SSUH2: variants seen among roughly 807,000 people sequenced by gnomAD.
The protein encoded by SSUH2 is ssu-2 homolog.
Under a neutral mutation model 55.3 loss-of-function variants are expected in SSUH2, and 47 were observed. The ratio of observed to expected loss-of-function variants is 0.85; its 90% confidence interval spans 0.67 to 1.08. The LOEUF is 1.08. SSUH2 is among the 50% of genes least tolerant of loss of function. The probability of loss-of-function intolerance (pLI) is 0.00; values close to 1 mark genes in which losing one functional copy is unlikely to be tolerated. For missense variants in SSUH2, 535 were observed against 490.7 expected (o/e 1.09, Z -0.85); for synonymous variants, 212 against 191.5 (o/e 1.11, Z -0.89).
At chr3:8,680,590 A>G (rs922904317) in intron 1 of SSUH2, among the ~76,000 whole-genome samples, 11 of 152,052 alleles carry the variant, frequency 7.2e-5, no homozygotes, top group Admixed American at 2.6e-4. Flanking sequence ...AATATCAGTG[A>G]GGGCGTGTCC....
Position 8,619,700 on chromosome 3 carries a change from C to A in SSUH2, c.*168G>T, listed in dbSNP as rs998047184. 3.2e-6 allele frequency: 2 copies of A among 623,954 alleles called. No individual in the cohort carries two copies. The highest frequency in any genetic ancestry group is 2.3e-5 in the South Asian group (1 of 43,118). The allele number at this position is 623,954 out of a possible 1,614,324, so 38.7% of individuals were successfully genotyped here. On this transcript the variant is annotated 3_prime_UTR_variant, in exon 12 of 12. Coordinates refer to ENST00000544814, the MANE Select transcript of SSUH2 (RefSeq NM_001256748.3). ...TGAGTCATGGATTCCACCAGAGGAG[C>A]TGTATAAGGGGTTGGAGCTTGATAG...
At chr3:8,629,633 C>CTGGCTCACCAGTGGTTCACAGA in intron 7 of SSUH2, 31 bp downstream of exon 7, 1 of 1,587,726 alleles carries the variant, frequency 6.3e-7, no homozygotes, top group Non-Finnish European at 8.6e-7. Context: ...CACACCCTCA[C>CTGGCTCACCAGTGGTTCACAGA]TGACTCACCA....
chr3:8,633,045 C>T lies in SSUH2; in HGVS notation c.339+621G>A, dbSNP rs543211738. ...TGTAAACCAGTGACAGTGATGCTAC[C>T]GTATAGGGCAGCCATGAGGATTTGA... On this transcript the variant is annotated intron_variant, in intron 4 of 11. Transcript: ENST00000544814. 3.9e-5 allele frequency among the ~76,000 whole-genome samples: 6 copies of T among 152,078 alleles called. No homozygotes were observed. In the South Asian group the frequency reaches 8.3e-4, roughly 21 times the overall value.
At chr3:8,633,301 G>A (rs546959294) in intron 4 of SSUH2, among the ~76,000 whole-genome samples, 20 of 151,990 alleles carry the variant, frequency 1.3e-4, no homozygotes, top group South Asian at 1.0e-3. Flanking sequence ...CCACCACCAC[G>A]CCCGGCTAAT....
chr3:8,662,809 G>A (rs1464271891), intron 6 of SSUH2, among the ~76,000 whole-genome samples: 36 of 152,214 alleles, frequency 2.4e-4, no homozygotes, highest in East Asian at 1.9e-4. Context: ...ATCTGCACTC[G>A]CAGACAGGGA....
At chr3:8,672,856 C>A (rs149049464) in intron 3 of SSUH2, among the ~76,000 whole-genome samples, 1 of 152,092 alleles carries the variant, frequency 6.6e-6, no homozygotes, top group Non-Finnish European at 1.5e-5. Context: ...TAACGTCATA[C>A]GCCATCCTCT....
At chr3:8,676,007 C>T (rs541918221) in intron 3 of SSUH2, among the ~76,000 whole-genome samples, 2 of 152,232 alleles carry the variant, frequency 1.3e-5, no homozygotes, top group African/African-American at 4.8e-5. Flanking sequence ...GCAGCAACTG[C>T]CCTGCTAGTA....
At chr3:8,638,504 A>G (rs546606982) in intron 1 of SSUH2, among the ~76,000 whole-genome samples, 11 of 152,346 alleles carry the variant, frequency 7.2e-5, no homozygotes, top group African/African-American at 2.6e-4. Flanking sequence ...CCGGAGTCAG[A>G]AACCCAAAGG....
rs1699738013 is a variant in SSUH2, at chr3:8,635,326, C to T, written c.183G>A (p.Arg61=). ...TGTGTTCCAGGAACGAGGGCCAGGA[C>T]CTTTGCTCCTGGGGCCTCCCTGGGG... The part of the protein sequence containing the change: ...LEAPGRPQEQ[R]SWPSFLEHRV... Residue 61 remains arginine, a synonymous_variant, in exon 3 of 12, where the codon AGG becomes AGA. Transcript: ENST00000544814. The T allele has an allele frequency of 2.6e-6, 4 of 1,535,892 alleles. No individual in the cohort carries two copies. The highest frequency in any genetic ancestry group is 2.6e-6 in the Non-Finnish European group (3 of 1,146,856).
intron 10 of SSUH2, among the ~76,000 whole-genome samples, chr3:8,625,332 G>A (rs1011991199): frequency 1.3e-5 from 2 of 151,900 alleles, no homozygotes; most frequent in African/African-American, 4.8e-5. Flanking sequence ...ATGGTGGGTG[G>A]GGAAGGACAG....
intron 9 of SSUH2, 89 bp downstream of exon 9, chr3:8,626,140 A>G: frequency 9.2e-6 from 10 of 1,081,422 alleles, no homozygotes; most frequent in South Asian, 2.7e-5. Context: ...GAAAGCCCCA[A>G]CCAACCACAG....
intron 11 of SSUH2, among the ~76,000 whole-genome samples, chr3:8,623,150 T>TG (rs913315296): frequency 2.2e-4 from 34 of 152,254 alleles, no homozygotes; most frequent in African/African-American, 8.2e-4. Context: ...AAGACAGGGC[T>TG]GGGGGTTGGG....
intron 1 of SSUH2, among the ~76,000 whole-genome samples, chr3:8,642,832 C>A (rs1701078187): frequency 6.6e-6 from 1 of 152,070 alleles, no homozygotes. Flanking sequence ...CCCTTTCTGA[C>A]ACTTGGGGAA....
chr3:8,662,760 T>A (rs374825189), intron 6 of SSUH2, among the ~76,000 whole-genome samples: 1 of 152,210 alleles, frequency 6.6e-6, no homozygotes, highest in Non-Finnish European at 1.5e-5. Flanking sequence ...CTTAGGCAGA[T>A]GTCATTTCCT....
At chr3:8,627,488 C>T in intron 8 of SSUH2, 1 of 411,984 alleles carries the variant, frequency 2.4e-6, no homozygotes, top group Non-Finnish European at 4.4e-6. Flanking sequence ...ACATATATTG[C>T]ATGACGAGTT....
At chr3:8,623,502 C>A in intron 11 of SSUH2, 47 bp downstream of exon 11, 1 of 1,139,438 alleles carries the variant, frequency 8.8e-7, no homozygotes, top group Middle Eastern at 2.3e-4. Context: ...GGCTCAGCAG[C>A]CCAGGAAGAG....
Position 8,634,398 on chromosome 3 carries a change from T to C in SSUH2, c.210-603A>G, listed in dbSNP as rs781752415. 77 of 1,291,046 alleles carry C rather than the reference T, an allele frequency of 6.0e-5. 1 individual carries two copies. In the South Asian group the frequency reaches 8.6e-4, roughly 14 times the overall value. The allele number at this position is 1,291,046 out of a possible 1,614,324, so 80.0% of individuals were successfully genotyped here. On this transcript the variant is annotated intron_variant, in intron 3 of 11. Coordinates refer to ENST00000544814, the MANE Select transcript of SSUH2 (RefSeq NM_001256748.3). ...CCCTGAGGCCATGCCACCCCCTTAC[T>C]GAAGTCTTTCTGGCCCCAACACCTC...
At chr3:8,623,336 C>G (rs977038791) in intron 11 of SSUH2, 2 of 525,426 alleles carry the variant, frequency 3.8e-6, no homozygotes, top group African/African-American at 3.9e-5. Context: ...GCAAACTTCT[C>G]CTGCGACCCA....
intron 3 of SSUH2, chr3:8,634,138 C>T (rs913752774): frequency 1.9e-5 from 13 of 682,560 alleles, no homozygotes; most frequent in East Asian, 2.8e-5. Flanking sequence ...GAGAGGATGT[C>T]GCACAGTTAA....
Sources: gnomAD v4.1 joint callset for allele counts (sites outside exome capture counted in the v4.1 genomes callset) on GRCh38, gnomAD v4.1.1 for gene constraint, MANE v1.5 for transcripts, NCBI Gene and HGNC (gene_info 2026-07-23, HGNC 2026-07-21) for gene names.